Variants in SIN3A observed in about 807,000 individuals in gnomAD.
The protein encoded by SIN3A is SIN3 transcription regulator family member A.
A neutral mutation model predicts 146.1 loss-of-function variants in SIN3A; 14 were observed. That is an observed-to-expected ratio of 0.10 (90% confidence interval 0.06 to 0.15). The LOEUF is 0.15. Among genes scored for constraint, SIN3A ranks in the 10% least tolerant of loss-of-function variants. The pLI, the probability that SIN3A is intolerant of heterozygous loss-of-function variation, is 1.00. For synonymous variants in SIN3A, 572 were observed against 572.0 expected (o/e 1.00, Z 0.00); for missense variants, 1,028 against 1,576.0 (o/e 0.65, Z 5.89).
intron 2 of SIN3A, among the ~76,000 whole-genome samples, chr15:75,423,547 G>A (rs544641187): frequency 2.6e-5 from 4 of 152,056 alleles, no homozygotes; most frequent in South Asian, 2.1e-4. Context: ...GCGTGTTGGC[G>A]GGCACCTACA....
rs564686234 is a variant in SIN3A at position 75,411,501 on chromosome 15, G to A, written c.999C>T (p.His333=). ...AATGGGCACTCCTTACCTGATATGT[G>A]TGCAAAATCTCCAGGAATGCTTTGT... ...DIYKAFLEIL[H]TYQKEQRNAK... Residue 333 remains histidine (H), a synonymous_variant, in exon 6 of 21, where the codon CAC becomes CAT. Coordinates refer to ENST00000394947, the MANE Select transcript of SIN3A (RefSeq NM_001145358.2). 2.5e-6 allele frequency: 4 copies of A among 1,613,718 alleles called. No homozygotes were observed. In the Admixed American group the frequency reaches 5.0e-5, roughly 20 times the overall value.
intron 1 of SIN3A, among the ~76,000 whole-genome samples, chr15:75,436,190 C>G (rs4486847): frequency 0.36 from 54,108 of 151,268 alleles, 10,988 homozygotes; most frequent in African/African-American, 0.54. Flanking sequence ...ATGCTAGCCA[C>G]GCACAATGGC....
chr15:75,430,100 TA>T, intron 2 of SIN3A, 86 bp downstream of exon 2: 1 of 961,220 alleles, frequency 1.0e-6, no homozygotes, highest in Non-Finnish European at 1.6e-6. Flanking sequence ...TTTTAATATC[TA>T]ACACAGTATT....
intron 2 of SIN3A, among the ~76,000 whole-genome samples, chr15:75,424,599 C>T (rs994308788): frequency 6.6e-6 from 1 of 152,024 alleles, no homozygotes; most frequent in Non-Finnish European, 1.5e-5. Flanking sequence ...CCCAGCTTCC[C>T]GAGTAGCTGG....
chr15:75,449,184 C>A (rs1262670813), intron 1 of SIN3A, among the ~76,000 whole-genome samples: 1 of 152,166 alleles, frequency 6.6e-6, no homozygotes. Context: ...TCAGAAAAAA[C>A]CACCTGGATT....
At chr15:75,391,685 T>G (rs1243110901) in intron 15 of SIN3A, among the ~76,000 whole-genome samples, 2 of 152,170 alleles carry the variant, frequency 1.3e-5, no homozygotes, top group Admixed American at 1.3e-4. Flanking sequence ...AACCCTCACT[T>G]ACTTTCCTTT....
chr15:75,399,342 C>T (rs955686846), intron 12 of SIN3A, among the ~76,000 whole-genome samples: 1 of 152,146 alleles, frequency 6.6e-6, no homozygotes, highest in African/African-American at 2.4e-5. Flanking sequence ...TCCTGGCTAA[C>T]ACGGTGAAAC....
chr15:75,441,589 C>T (rs1366679218), intron 1 of SIN3A, among the ~76,000 whole-genome samples: 2 of 152,186 alleles, frequency 1.3e-5, no homozygotes, highest in Non-Finnish European at 2.9e-5. Flanking sequence ...TTGGCTTCCA[C>T]TCTGTAAACA....
At chr15:75,411,469 C>G in intron 6 of SIN3A, 23 bp downstream of exon 6, 1 of 1,601,934 alleles carries the variant, frequency 6.2e-7, no homozygotes, top group Non-Finnish European at 8.5e-7. Flanking sequence ...CTGGTTAAGA[C>G]AGGCTGAATG....
chr15:75,443,760 G>C (rs989168555), intron 1 of SIN3A: 1 of 152,110 alleles, frequency 6.6e-6, no homozygotes, highest in Non-Finnish European at 1.5e-5. Context: ...AAAGCAATAA[G>C]AAAACTGAAG....
At chr15:75,450,404 C>G (rs1230313181) in intron 1 of SIN3A, among the ~76,000 whole-genome samples, 1 of 152,136 alleles carries the variant, frequency 6.6e-6, no homozygotes, top group Non-Finnish European at 1.5e-5. Flanking sequence ...GCCACGGTAA[C>G]TGAACATCAA....
At chr15:75,435,050 G>C (rs2074082870) in intron 1 of SIN3A, among the ~76,000 whole-genome samples, 1 of 151,840 alleles carries the variant, frequency 6.6e-6, no homozygotes, top group South Asian at 2.1e-4. Flanking sequence ...GCTTTAATTG[G>C]TACAGCCTAT....
chr15:75,442,722 G>A (rs2074238564), intron 1 of SIN3A, among the ~76,000 whole-genome samples: 1 of 151,550 alleles, frequency 6.6e-6, no homozygotes, highest in Non-Finnish European at 1.5e-5. Flanking sequence ...CTGAGGTTGG[G>A]AGTTCAAGAC....
intron 1 of SIN3A, among the ~76,000 whole-genome samples, chr15:75,450,203 T>C (rs2074377494): frequency 6.6e-6 from 1 of 152,068 alleles, no homozygotes; most frequent in Non-Finnish European, 1.5e-5. Context: ...CAAACCCTAC[T>C]TTATAAACAG....
chr15:75,427,945 T>C (rs2073954393), intron 2 of SIN3A, among the ~76,000 whole-genome samples: 1 of 152,016 alleles, frequency 6.6e-6, no homozygotes, highest in Admixed American at 6.6e-5. Flanking sequence ...CACTCCAGCC[T>C]GGGTGATAAG....
At chr15:75,441,616 C>T (rs1267804274) in intron 1 of SIN3A, among the ~76,000 whole-genome samples, 1 of 152,172 alleles carries the variant, frequency 6.6e-6, no homozygotes, top group Non-Finnish European at 1.5e-5. Flanking sequence ...CACCACCACG[C>T]TTGGCTTCCA....
At chr15:75,402,559 A>G (rs768227991) in intron 9 of SIN3A, among the ~76,000 whole-genome samples, 10 of 152,092 alleles carry the variant, frequency 6.6e-5, no homozygotes, top group Non-Finnish European at 1.2e-4. Flanking sequence ...ATTTAAACTG[A>G]TATTTGATGA....
At chr15:75,434,701 C>T (rs370754704) in intron 1 of SIN3A, among the ~76,000 whole-genome samples, 6 of 150,650 alleles carry the variant, frequency 4.0e-5, no homozygotes, top group African/African-American at 1.5e-4. Context: ...GCAATCCTAA[C>T]ACTTTGGTTC....
chr15:75,370,673 GAA>G lies in SIN3A; in HGVS notation c.*1304_*1305del, dbSNP rs2072732350. On this transcript the variant is annotated 3_prime_UTR_variant, in exon 21 of 21. Coordinates refer to ENST00000394947, the MANE Select transcript of SIN3A (RefSeq NM_001145358.2). ...CCCCATCCATCACCAATGTGAATAA[GAA>G]AAAATATATAGAAATACAAACTACA... 6.6e-6 allele frequency: 1 copy of G among 151,582 alleles called. No homozygotes were observed. The highest frequency in any genetic ancestry group is 2.4e-5 in the African/African-American group (1 of 41,216). 9.4% of individuals were successfully genotyped at this position (151,582 alleles called of 1,614,324 possible). A position where few individuals can be genotyped will look rare whatever the true frequency, so the allele number is the denominator to read the frequency against.
Sources: allele counts gnomAD v4.1 joint callset (sites outside exome capture counted in the v4.1 genomes callset), GRCh38; gene constraint gnomAD v4.1.1; transcripts MANE v1.5; gene names NCBI Gene and HGNC (gene_info 2026-07-23, HGNC 2026-07-21).